The following MAF variants were observed in gnomAD, a reference collection of about 807,000 sequenced individuals.
The protein encoded by MAF is transcription factor Maf.
Under a neutral mutation model 22.0 loss-of-function variants are expected in MAF, and 10 were observed. The ratio of observed to expected loss-of-function variants is 0.45; its 90% CI spans 0.28 to 0.77. The LOEUF (loss-of-function observed/expected upper bound fraction) is 0.77. MAF is among the 30% of genes least tolerant of loss of function. The probability of loss-of-function intolerance (pLI) is 0.12; values close to 1 mark genes in which losing one functional copy is unlikely to be tolerated. For missense variants in MAF, 544 were observed against 548.4 expected (o/e 0.99, Z 0.08); for synonymous variants, 337 against 255.8 (o/e 1.32, Z -3.03).
chr16:79,557,132 G>C, the MAF span, among the ~76,000 whole-genome samples: 1 of 151,508 alleles, frequency 6.6e-6, no homozygotes, highest in East Asian at 1.9e-4. Flanking sequence ...GCTCTTCTCA[G>C]CCAACACTCC....
chr16:79,327,204 T>C, the MAF span, among the ~76,000 whole-genome samples: 15 of 152,268 alleles, frequency 9.9e-5, no homozygotes, highest in East Asian at 2.9e-3. Flanking sequence ...GCAGGGGCTT[T>C]AGGGGGAAAA....
At chr16:79,481,445 A>T in the MAF span, among the ~76,000 whole-genome samples, 6 of 151,918 alleles carry the variant, frequency 3.9e-5, no homozygotes, top group Admixed American at 2.6e-4. Context: ...CTAGGCCACT[A>T]CTCATCTACT....
chr16:79,596,023 G>A (rs1321930509), intron 1 of MAF: 1 of 1,060,734 alleles, frequency 9.4e-7, no homozygotes, highest in East Asian at 5.1e-5. Flanking sequence ...AAGAGAAGAA[G>A]GAAAAATAGT....
At chr16:79,344,614 A>G in the MAF span, among the ~76,000 whole-genome samples, 1 of 152,222 alleles carries the variant, frequency 6.6e-6, no homozygotes, top group East Asian at 1.9e-4. Context: ...GAAACTGTCT[A>G]TATAATAAGT....
the MAF span, among the ~76,000 whole-genome samples, chr16:79,418,286 C>G: frequency 6.6e-6 from 1 of 152,078 alleles, no homozygotes; most frequent in Admixed American, 6.5e-5. Flanking sequence ...TTCTCATTAT[C>G]TGGGGACAGT....
chr16:79,236,732 G>C, the MAF span, among the ~76,000 whole-genome samples: 5 of 151,862 alleles, frequency 3.3e-5, no homozygotes, highest in African/African-American at 9.7e-5. Context: ...CAAATTTCCA[G>C]GTCCTCAGCA....
the MAF span, among the ~76,000 whole-genome samples, chr16:79,258,326 C>T: frequency 6.6e-6 from 1 of 152,230 alleles, no homozygotes; most frequent in East Asian, 1.9e-4. Context: ...TGGTCAGTCA[C>T]CTGCTCCATG....
chr16:79,556,033 TGTTTA>T, the MAF span, among the ~76,000 whole-genome samples: 1,293 of 151,918 alleles, frequency 8.5e-3, 17 homozygotes, highest in African/African-American at 0.029. Flanking sequence ...TAGTTTAGTT[TGTTTA>T]GTTTAGTTTA....
the MAF span, among the ~76,000 whole-genome samples, chr16:79,334,149 C>T: frequency 4.6e-5 from 7 of 152,320 alleles, no homozygotes; most frequent in South Asian, 8.3e-4. Flanking sequence ...CATTCAAGAA[C>T]GTTCATAGCA....
At chr16:79,404,287 C>T in the MAF span, among the ~76,000 whole-genome samples, 4 of 151,896 alleles carry the variant, frequency 2.6e-5, no homozygotes, top group Admixed American at 6.6e-5. Flanking sequence ...CCTCAGCCTC[C>T]GGAGTAGCTG....
chr16:79,447,888 T>C, the MAF span, among the ~76,000 whole-genome samples: 7 of 2,732 alleles, frequency 2.6e-3, no homozygotes, highest in South Asian at 7.5e-3. Context: ...CGAGATTCCA[T>C]CTCAAAAAAA....
chr16:79,433,549 AAAT>A, the MAF span, among the ~76,000 whole-genome samples: 1 of 151,986 alleles, frequency 6.6e-6, no homozygotes, highest in Non-Finnish European at 1.5e-5. Context: ...GGTCATCTGA[AAAT>A]AATGGACAGA....
chr16:79,461,185 C>T, the MAF span, among the ~76,000 whole-genome samples: 1 of 152,178 alleles, frequency 6.6e-6, no homozygotes, highest in Non-Finnish European at 1.5e-5. Context: ...TTTTTGAATG[C>T]AGATGGCTGT....
At chr16:79,510,024 A>G in the MAF span, among the ~76,000 whole-genome samples, 4 of 152,220 alleles carry the variant, frequency 2.6e-5, no homozygotes, top group African/African-American at 9.7e-5. Context: ...TGGACATGGC[A>G]GAACAGTTAC....
At chr16:79,417,457 G>C in the MAF span, among the ~76,000 whole-genome samples, 1 of 152,324 alleles carries the variant, frequency 6.6e-6, no homozygotes, top group South Asian at 2.1e-4. Context: ...CGGTTTCCAA[G>C]GGTGACCCAA....
At chr16:79,351,540 C>T in the MAF span, among the ~76,000 whole-genome samples, 1 of 152,148 alleles carries the variant, frequency 6.6e-6, no homozygotes, top group Non-Finnish European at 1.5e-5. Context: ...GCAGAATGAT[C>T]ACCCAGAATC....
chr16:79,285,847 C>G, the MAF span, among the ~76,000 whole-genome samples: 17 of 152,188 alleles, frequency 1.1e-4, no homozygotes, highest in Non-Finnish European at 2.1e-4. Context: ...AATTCTGGTG[C>G]TCACAGAAGG....
At chr16:79,272,468 G>C in the MAF span, among the ~76,000 whole-genome samples, 1 of 152,022 alleles carries the variant, frequency 6.6e-6, no homozygotes, top group African/African-American at 2.4e-5. Flanking sequence ...TCAGTGGAGG[G>C]GGAGGTGGGA....
At chr16:79,475,955 G>T in the MAF span, among the ~76,000 whole-genome samples, 15 of 152,158 alleles carry the variant, frequency 9.9e-5, no homozygotes, top group Admixed American at 8.5e-4. Context: ...ACATTAGATA[G>T]AAAAGGTGCA....
Sources: allele counts gnomAD v4.1 joint callset (sites outside exome capture counted in the v4.1 genomes callset), GRCh38; gene constraint gnomAD v4.1.1; transcripts MANE v1.5; gene names NCBI Gene and HGNC (gene_info 2026-07-23, HGNC 2026-07-21).